The following ITPR2 variants were observed in gnomAD, a reference collection of about 807,000 sequenced individuals.
The protein encoded by ITPR2 is inositol 1,4,5-trisphosphate-gated calcium channel ITPR2.
In ITPR2, 207 loss-of-function variants were observed where a neutral mutation model predicts 317.1. That is an observed-to-expected ratio of 0.65 (90% CI 0.58 to 0.73). The LOEUF (loss-of-function observed/expected upper bound fraction) is 0.73. Among genes scored for constraint, ITPR2 ranks in the 30% least tolerant of loss-of-function variants. The pLI, the probability that ITPR2 is intolerant of heterozygous loss-of-function variation, is 0.00. For synonymous variants in ITPR2, 1,156 were observed against 1,149.1 expected, an observed-to-expected ratio of 1.01 and a Z score of -0.12; for missense variants, 2,613 against 3,284.0, an observed-to-expected ratio of 0.80 and a Z score of 4.99.
intron 54 of ITPR2, among the ~76,000 whole-genome samples, chr12:26,391,587 CAG>C (rs1939850020): frequency 1.9e-5 from 1 of 51,454 alleles, no homozygotes; most frequent in Admixed American, 2.4e-4. Flanking sequence ...TTTTTTTTGA[CAG>C]AGTCTTGCTC....
intron 45 of ITPR2, among the ~76,000 whole-genome samples, chr12:26,447,669 T>C (rs568249296): frequency 6.6e-5 from 10 of 152,136 alleles, no homozygotes; most frequent in East Asian, 5.8e-4. Context: ...AAAGCAAGGA[T>C]AGCATTCCTA....
chr12:26,679,380 A>G (rs768724934), intron 13 of ITPR2, among the ~76,000 whole-genome samples: 1 of 152,190 alleles, frequency 6.6e-6, no homozygotes, highest in Non-Finnish European at 1.5e-5. Context: ...TGTAAGATGT[A>G]TATCTAAAAG....
intron 5 of ITPR2, among the ~76,000 whole-genome samples, chr12:26,716,891 T>C (rs1353112850): frequency 6.6e-6 from 1 of 152,180 alleles, no homozygotes; most frequent in East Asian, 1.9e-4. Flanking sequence ...AAAACTAAAA[T>C]TGATTCTTGG....
At chr12:26,649,062 T>TG (rs1947180178) in intron 21 of ITPR2, 1 of 152,214 alleles carries the variant, frequency 6.6e-6, no homozygotes, top group Non-Finnish European at 1.5e-5. Flanking sequence ...ATTATTTAAG[T>TG]TCTTAACTTT....
At chr12:26,782,037 T>TATATAGAGAGAGAGAG (rs1950102369) in intron 2 of ITPR2, among the ~76,000 whole-genome samples, 2 of 51,736 alleles carry the variant, frequency 3.9e-5, no homozygotes, top group African/African-American at 1.1e-4. Flanking sequence ...TATATATGTA[T>TATATAGAGAGAGAGAG]AGAGAGAGAG....
intron 2 of ITPR2, among the ~76,000 whole-genome samples, chr12:26,727,761 T>C (rs1948956045): frequency 6.6e-6 from 1 of 152,064 alleles, no homozygotes; most frequent in African/African-American, 2.4e-5. Context: ...ACAAGGGAGC[T>C]CTGGAGGAGA....
At position 26,582,768 on chromosome 12, in the gene ITPR2, A is replaced by G. The variant is rs1253502187; in HGVS notation, c.4381-2613T>C. Among the ~76,000 whole-genome samples, 4 of 152,218 alleles carry G rather than the reference A, an allele frequency of 2.6e-5. No homozygotes were observed. The East Asian group carries it at 7.7e-4, about 29-fold the overall frequency. On this transcript the variant is annotated intron_variant, in intron 32 of 56. Transcript: ENST00000381340. ...TGCTGGGCTGATCCTCTAAAATAAT[A>G]AATTTACAATACTATCAACAAACTA...
chr12:26,703,190 G>A (rs1948482843), intron 9 of ITPR2, among the ~76,000 whole-genome samples: 1 of 152,140 alleles, frequency 6.6e-6, no homozygotes, highest in African/African-American at 2.4e-5. Context: ...AACTTACTGT[G>A]AGACTTAGCA....
At chr12:26,604,271 T>TATTG (rs1287483178) in intron 26 of ITPR2, among the ~76,000 whole-genome samples, 1 of 152,192 alleles carries the variant, frequency 6.6e-6, no homozygotes, top group Non-Finnish European at 1.5e-5. Context: ...TTCTGGCAAA[T>TATTG]ATTGTCCTGA....
At chr12:26,663,188 C>T (rs986116390) in intron 15 of ITPR2, among the ~76,000 whole-genome samples, 2 of 152,190 alleles carry the variant, frequency 1.3e-5, no homozygotes, top group Non-Finnish European at 2.9e-5. Context: ...TCATCCTACC[C>T]AAAGGCTTCC....
chr12:26,594,099 G>A (rs1288217075), intron 32 of ITPR2, among the ~76,000 whole-genome samples: 1 of 152,154 alleles, frequency 6.6e-6, no homozygotes, highest in East Asian at 1.9e-4. Context: ...TTTTCACAAG[G>A]TCAATGGGGA....
intron 36 of ITPR2, among the ~76,000 whole-genome samples, chr12:26,554,459 G>A (rs1944611332): frequency 6.6e-6 from 1 of 152,130 alleles, no homozygotes; most frequent in South Asian, 2.1e-4. Context: ...GGCTTTGTGG[G>A]GTACACAGTC....
intron 2 of ITPR2, among the ~76,000 whole-genome samples, chr12:26,787,994 G>A (rs570313440): frequency 3.4e-4 from 50 of 146,750 alleles, no homozygotes; most frequent in African/African-American, 1.2e-3. Context: ...GCGCGATCTC[G>A]GCTCACTGCA....
intron 9 of ITPR2, among the ~76,000 whole-genome samples, chr12:26,708,251 C>T (rs1948591494): frequency 6.6e-6 from 1 of 152,128 alleles, no homozygotes; most frequent in Non-Finnish European, 1.5e-5. Flanking sequence ...GCTAGGTATA[C>T]ACCCAAAAGG....
chr12:26,710,397 A>G (rs1160022026), intron 9 of ITPR2, among the ~76,000 whole-genome samples: 3 of 152,156 alleles, frequency 2.0e-5, no homozygotes, highest in African/African-American at 4.8e-5. Flanking sequence ...TTTGCCCAAT[A>G]TGTCTCCAAA....
chr12:26,536,635 T>C (rs1221550444), intron 37 of ITPR2, among the ~76,000 whole-genome samples: 1 of 152,192 alleles, frequency 6.6e-6, no homozygotes, highest in Non-Finnish European at 1.5e-5. Context: ...TTAGCAATCA[T>C]GGAGTAGCAG....
chr12:26,404,511 C>CA (rs1270649465), intron 52 of ITPR2, among the ~76,000 whole-genome samples: 11 of 151,662 alleles, frequency 7.3e-5, no homozygotes, highest in Non-Finnish European at 1.3e-4. Context: ...CAATGAGAAG[C>CA]AAAAAAATAG....
chr12:26,406,665 T>C (rs528069337), intron 52 of ITPR2: 1 of 152,236 alleles, frequency 6.6e-6, no homozygotes, highest in African/African-American at 2.4e-5. Flanking sequence ...GGATGCACAC[T>C]AGGGTTTGCA....
At chr12:26,482,926 T>C (rs529645162) in intron 42 of ITPR2, among the ~76,000 whole-genome samples, 1 of 152,352 alleles carries the variant, frequency 6.6e-6, no homozygotes, top group African/African-American at 2.4e-5. Flanking sequence ...GAAATGTTTA[T>C]GACTTGAAAA....
Sources: gnomAD v4.1 joint callset for allele counts (sites outside exome capture counted in the v4.1 genomes callset) on GRCh38, gnomAD v4.1.1 for gene constraint, MANE v1.5 for transcripts, NCBI Gene and HGNC (gene_info 2026-07-23, HGNC 2026-07-21) for gene names.